The following CYP3A43 variants were observed in gnomAD, a reference collection of about 807,000 sequenced individuals.
The protein encoded by CYP3A43 is cytochrome P450 3A43.
In CYP3A43, 45 loss-of-function variants were observed where a neutral mutation model predicts 58.0. The ratio of observed to expected loss-of-function variants is 0.78; its 90% CI spans 0.61 to 0.99. CYP3A43 has a LOEUF of 0.99. CYP3A43 is among the 50% of genes least tolerant of loss of function. CYP3A43 has a pLI of 0.00. For synonymous variants in CYP3A43, 191 were observed against 201.4 expected (o/e 0.95, Z 0.44); for missense variants, 593 against 591.9 (o/e 1.00, Z -0.02).
intron 7 of CYP3A43, 162 bp from the exon 8 acceptor site, chr7:99,855,429 G>C (rs1348152788): frequency 2.5e-5 from 22 of 892,228 alleles, no homozygotes; most frequent in Non-Finnish European, 3.2e-5. Flanking sequence ...GCATGGAAGA[G>C]GGGCAAAGGT....
At chr7:99,828,720 T>A (rs1471237267) in intron 1 of CYP3A43, among the ~76,000 whole-genome samples, 2 of 152,244 alleles carry the variant, frequency 1.3e-5, no homozygotes, top group African/African-American at 4.8e-5. Flanking sequence ...ACTGAAAGAC[T>A]TCACAAATGT....
intron 3 of CYP3A43, among the ~76,000 whole-genome samples, chr7:99,840,783 G>C (rs990054643): frequency 1.1e-4 from 16 of 152,108 alleles, no homozygotes; most frequent in Admixed American, 9.2e-4. Context: ...TATCAATCAA[G>C]ACACCTGCCT....
intron 3 of CYP3A43, among the ~76,000 whole-genome samples, chr7:99,840,050 G>A (rs1293572182): frequency 1.3e-5 from 2 of 152,098 alleles, no homozygotes; most frequent in African/African-American, 4.8e-5. Flanking sequence ...TTTTCTATTG[G>A]CACAGCTGCC....
intron 9 of CYP3A43, among the ~76,000 whole-genome samples, chr7:99,859,359 T>C (rs1426139344): frequency 1.3e-5 from 2 of 152,192 alleles, no homozygotes; most frequent in Non-Finnish European, 2.9e-5. Flanking sequence ...AAAAGTTCCT[T>C]TATATTTCCC....
Position 99,866,015 on chromosome 7 carries a change from C to T in CYP3A43, c.*14C>T. 2 of 1,539,216 alleles carry T rather than the reference C, an allele frequency of 1.3e-6. No individual in the cohort carries two copies. Among genetic ancestry groups the T allele is most frequent in the Non-Finnish European group, 1.8e-6 (2 of 1,128,040 alleles). On this transcript the variant is annotated 3_prime_UTR_variant, in exon 13 of 13. Coordinates refer to ENST00000354829, the MANE Select transcript of CYP3A43 (RefSeq NM_057095.3). The stretch of plus-strand genomic sequence containing the variant: ...AGTGGACCCTGACTTTCCCTAAGGA[C>T]TTCCACTTTGTTCAAGAAAGCTGTA...
At position 99,863,695 on chromosome 7, in the gene CYP3A43, C is replaced by A; in HGVS notation, c.1412C>A (p.Thr471Asn). 1 of 1,586,078 alleles carries A rather than the reference C, an allele frequency of 6.3e-7. No individual in the cohort carries two copies. ...QNFSFKPCKETQIPLKLDNLP... is the reference protein window; with the variant it reads ...QNFSFKPCKENQIPLKLDNLP... Reference sequence around the variant, plus strand: ...TTCTCCTTCAAACCTTGTAAAGAGACTCAGGTCAGTAAACTTTCTTATAAA... The same window carrying A: ...TTCTCCTTCAAACCTTGTAAAGAGAATCAGGTCAGTAAACTTTCTTATAAA... Residue 471 changes from threonine to asparagine, a missense_variant, in exon 12 of 13, where the codon ACT becomes AAT. Coordinates refer to ENST00000354829, the MANE Select transcript of CYP3A43 (RefSeq NM_057095.3).
chr7:99,838,606 G>C, intron 2 of CYP3A43: 32 of 1,208,072 alleles, frequency 2.6e-5, no homozygotes, highest in Non-Finnish European at 3.5e-5. Flanking sequence ...ACACTAGTTA[G>C]AGAAAATTTA....
At position 99,854,444 on chromosome 7, in the gene CYP3A43, A is replaced by G. The variant is rs186164486; in HGVS notation, c.671-1147A>G. Among the ~76,000 whole-genome samples, 3 of 151,946 alleles carry G rather than the reference A, an allele frequency of 2.0e-5. No homozygotes were observed. In the East Asian group the frequency reaches 5.8e-4, roughly 29 times the overall value. ...CTGGTCTAACTCCTCACCTCAGGTG[A>G]TCCACCCGCCTCAGCCTCCCAAAGT... On this transcript the variant is annotated intron_variant, in intron 7 of 12. Coordinates refer to ENST00000354829, the MANE Select transcript of CYP3A43 (RefSeq NM_057095.3).
intron 6 of CYP3A43, 56 bp downstream of exon 6, chr7:99,848,310 A>G: frequency 6.5e-7 from 1 of 1,546,682 alleles, no homozygotes; most frequent in South Asian, 1.1e-5. Flanking sequence ...AGCTGCCTGC[A>G]GTGGAGCTGA....
chr7:99,847,395 G>A, intron 4 of CYP3A43, 93 bp from the exon 5 acceptor site: 8 of 1,330,756 alleles, frequency 6.0e-6, no homozygotes, highest in Non-Finnish European at 8.3e-6. Flanking sequence ...CTAAATATTT[G>A]TTAAATTCAT....
chr7:99,845,364 C>T lies in CYP3A43; in HGVS notation c.318+1122C>T, dbSNP rs188899882. ...TTGAGACAGAGTCTCGCTCTGTCAC[C>T]CAGACTGAAGTGCAGTGGCGCGATC... On this transcript the variant is annotated intron_variant, in intron 4 of 12. Transcript: ENST00000354829. Among the ~76,000 whole-genome samples, 4 of 151,870 alleles carry T rather than the reference C, an allele frequency of 2.6e-5. No homozygotes were observed. In the East Asian group the frequency reaches 7.7e-4, roughly 29 times the overall value.
chr7:99,848,375 G>C, intron 6 of CYP3A43, 121 bp downstream of exon 6: 1 of 1,017,444 alleles, frequency 9.8e-7, no homozygotes, highest in Non-Finnish European at 1.5e-6. Context: ...CTGTGGTGTT[G>C]CAACTCCAAT....
chr7:99,828,289 G>A (rs1816705719), intron 1 of CYP3A43, 103 bp downstream of exon 1: 2 of 912,444 alleles, frequency 2.2e-6, no homozygotes, highest in Non-Finnish European at 1.6e-6. Context: ...AGATAACGGA[G>A]GGGAAGTTAC....
At position 99,847,530 on chromosome 7, in the gene CYP3A43, G is replaced by A; in HGVS notation, c.361G>A (p.Ala121Thr). The change falls in exon 5 of 13, where the codon GCT becomes ACT. Residue 121 changes from alanine to threonine, a missense_variant. Ala to Thr is a moderately conservative substitution (Grantham distance 58). Coordinates refer to ENST00000354829, the MANE Select transcript of CYP3A43 (RefSeq NM_057095.3). ...ATTTCTGAAAAGTGCCTTAAGTTTT[G>A]CTGAAGATGAAGAATGGAAGAGAAT... ...MGFLKSALSF[A>T]EDEEWKRIRT... is the part of the protein sequence containing the mutation. 4 of 1,613,944 alleles carry A rather than the reference G, an allele frequency of 2.5e-6. No individual in the cohort carries two copies. The highest frequency in any genetic ancestry group is 3.4e-6 in the Non-Finnish European group (4 of 1,179,964).
intron 3 of CYP3A43, chr7:99,839,453 G>GGAA: frequency 1.6e-6 from 1 of 622,408 alleles, no homozygotes; most frequent in Non-Finnish European, 3.0e-6. Flanking sequence ...TCGAGCTTGA[G>GGAA]AATTAAGTCA....
At chr7:99,855,445 A>C in intron 7 of CYP3A43, 146 bp from the exon 8 acceptor site, 1 of 1,066,126 alleles carries the variant, frequency 9.4e-7, no homozygotes. Flanking sequence ...AAGGTCATAC[A>C]GGAAGAGGGG....
At chr7:99,853,650 G>A (rs1460644247) in intron 7 of CYP3A43, among the ~76,000 whole-genome samples, 2 of 152,038 alleles carry the variant, frequency 1.3e-5, no homozygotes, top group East Asian at 3.9e-4. Flanking sequence ...TCCACCTCCT[G>A]GGGTCAAGCT....
intron 3 of CYP3A43, chr7:99,839,517 T>A: frequency 2.0e-6 from 1 of 488,418 alleles, no homozygotes; most frequent in Non-Finnish European, 3.9e-6. Context: ...TTCACAACCC[T>A]GGGTAATAGC....
rs529839382 is a variant in CYP3A43, at chr7:99,834,297, G to T, written c.72-2156G>T. Among the ~76,000 whole-genome samples, 7 of 152,252 alleles carry T rather than the reference G, an allele frequency of 4.6e-5. No individual in the cohort carries two copies. The South Asian group carries it at 1.5e-3, about 32-fold the overall frequency. On this transcript the variant is annotated intron_variant, in intron 1 of 12. Coordinates refer to ENST00000354829, the MANE Select transcript of CYP3A43 (RefSeq NM_057095.3). ...CCATGACCTTTCTTGCACCTAGGTA[G>T]CTGGCCTATAGTATTTAATGATTCT...
Sources: gnomAD v4.1 joint callset for allele counts (sites outside exome capture counted in the v4.1 genomes callset) on GRCh38, gnomAD v4.1.1 for gene constraint, MANE v1.5 for transcripts, NCBI Gene and HGNC (gene_info 2026-07-23, HGNC 2026-07-21) for gene names.